PIBF1: variants seen among roughly 807,000 people sequenced by gnomAD.
PIBF1 encodes the protein progesterone-induced-blocking factor 1.
In PIBF1, 90 loss-of-function variants were observed where a neutral mutation model predicts 112.5. That is an observed-to-expected ratio of 0.80 (90% confidence interval 0.67 to 0.95). The LOEUF (loss-of-function observed/expected upper bound fraction) is 0.95, where lower values mean the gene tolerates loss of function less well. PIBF1 is among the 40% of genes least tolerant of loss of function. The probability of loss-of-function intolerance (pLI) is 0.00; values close to 1 mark genes in which losing one functional copy is unlikely to be tolerated. For missense variants in PIBF1, 915 were observed against 852.3 expected (o/e 1.07, Z -0.92); for synonymous variants, 301 against 288.6 (o/e 1.04, Z -0.44).
intron 16 of PIBF1, among the ~76,000 whole-genome samples, chr13:72,993,374 C>T (rs968088245): frequency 6.6e-5 from 10 of 151,470 alleles, no homozygotes; most frequent in African/African-American, 2.2e-4. Context: ...TGAAGAATTG[C>T]GAAAGTCAAA....
chr13:72,833,454 G>T (rs1397863171), intron 8 of PIBF1, among the ~76,000 whole-genome samples: 1 of 152,126 alleles, frequency 6.6e-6, no homozygotes, highest in Non-Finnish European at 1.5e-5. Flanking sequence ...TGGGGTCTTT[G>T]AGTGGACGTG....
chr13:72,814,371 G>A (rs1003808276), intron 5 of PIBF1, among the ~76,000 whole-genome samples: 1 of 151,108 alleles, frequency 6.6e-6, no homozygotes. Flanking sequence ...AGGAGGCGGA[G>A]GTTGCAGTGA....
chr13:72,931,677 C>T (rs1445684244), intron 14 of PIBF1, among the ~76,000 whole-genome samples: 1 of 141,842 alleles, frequency 7.1e-6, no homozygotes, highest in East Asian at 2.2e-4. Context: ...AAATCAGGCT[C>T]ATATTGCTTC....
chr13:72,859,207 C>G (rs778394975), intron 10 of PIBF1, among the ~76,000 whole-genome samples: 44 of 152,042 alleles, frequency 2.9e-4, no homozygotes, highest in Non-Finnish European at 5.0e-4. Flanking sequence ...CAAGTATCAC[C>G]AAGAGTTAGG....
At chr13:72,906,096 T>C (rs914884827) in intron 11 of PIBF1, among the ~76,000 whole-genome samples, 2 of 152,152 alleles carry the variant, frequency 1.3e-5, no homozygotes, top group African/African-American at 4.8e-5. Flanking sequence ...TTCTACAAAG[T>C]ATTTTTAAGA....
intron 9 of PIBF1, among the ~76,000 whole-genome samples, chr13:72,835,669 T>C (rs1167448044): frequency 6.6e-6 from 1 of 152,176 alleles, no homozygotes; most frequent in East Asian, 1.9e-4. Context: ...TAAAGAGTGC[T>C]GAGATATCAG....
chr13:73,009,060 A>C lies in PIBF1; in HGVS notation c.2224-6809A>C, dbSNP rs112531595. The stretch of plus-strand genomic sequence containing the variant: ...TAGATTCCCTCTTCCTTTCTCTTCA[A>C]CCATCCTTAGAGTGTGGCATCTGTT... On this transcript the variant is annotated intron_variant, in intron 17 of 17. Transcript: ENST00000326291. Among the ~76,000 whole-genome samples the C allele has an allele frequency of 2.9e-3, 437 of 152,280 alleles. 1 individual carries two copies. The highest frequency in any genetic ancestry group is 6.8e-3 in the Middle Eastern group (2 of 294).
chr13:72,835,489 C>T, intron 9 of PIBF1, 121 bp downstream of exon 9: 1 of 667,720 alleles, frequency 1.5e-6, no homozygotes, highest in Non-Finnish European at 2.3e-6. Context: ...GAAAACTTGT[C>T]ATAAATTGAA....
At chr13:72,826,200 A>G (rs932588611) in intron 6 of PIBF1, among the ~76,000 whole-genome samples, 1 of 152,158 alleles carries the variant, frequency 6.6e-6, no homozygotes, top group South Asian at 2.1e-4. Context: ...AGTAATACTG[A>G]TAGTCATCTT....
At chr13:72,784,960 C>T (rs2034518850) in intron 2 of PIBF1, among the ~76,000 whole-genome samples, 1 of 152,014 alleles carries the variant, frequency 6.6e-6, no homozygotes, top group South Asian at 2.1e-4. Flanking sequence ...GCAACCTCCA[C>T]CTCTTGGGTT....
chr13:72,789,984 G>A (rs2034813483), intron 2 of PIBF1, among the ~76,000 whole-genome samples: 3 of 152,198 alleles, frequency 2.0e-5, no homozygotes, highest in African/African-American at 7.2e-5. Context: ...TTATTGAGAT[G>A]TTGCTGGATA....
At chr13:72,866,079 G>C (rs1055342513) in intron 10 of PIBF1, among the ~76,000 whole-genome samples, 3 of 152,054 alleles carry the variant, frequency 2.0e-5, no homozygotes, top group Non-Finnish European at 2.9e-5. Flanking sequence ...GCATTCCTTG[G>C]CTTCCTTGGC....
chr13:72,992,210 A>G (rs947702738), intron 16 of PIBF1, among the ~76,000 whole-genome samples: 7 of 152,208 alleles, frequency 4.6e-5, no homozygotes, highest in Admixed American at 1.3e-4. Context: ...CGATCAATCA[A>G]TGTCTTAAAC....
At position 72,978,160 on chromosome 13, in the gene PIBF1, A is replaced by G. The variant is rs887492517; in HGVS notation, c.2049+4485A>G. On this transcript the variant is annotated intron_variant, in intron 16 of 17. Coordinates refer to ENST00000326291, the MANE Select transcript of PIBF1 (RefSeq NM_006346.4). The stretch of plus-strand genomic sequence containing the variant: ...GAAAGGGCAAAATATCTCTCCTCAC[A>G]GAATTTATTTTATTAAAGAACAGTT... 2.0e-5 allele frequency among the ~76,000 whole-genome samples: 3 copies of G among 152,228 alleles called. No homozygotes were observed. In the South Asian group the frequency reaches 6.2e-4, roughly 32 times the overall value.
At chr13:72,975,506 G>A (rs758807515) in intron 16 of PIBF1, among the ~76,000 whole-genome samples, 1 of 152,148 alleles carries the variant, frequency 6.6e-6, no homozygotes, top group Non-Finnish European at 1.5e-5. Context: ...TCAAAGGTAC[G>A]TATCCTAGAG....
intron 14 of PIBF1, among the ~76,000 whole-genome samples, chr13:72,937,820 A>G (rs1297817791): frequency 6.6e-6 from 1 of 152,236 alleles, no homozygotes; most frequent in African/African-American, 2.4e-5. Context: ...ATCTCAAAAA[A>G]AAATAAATGA....
intron 16 of PIBF1, among the ~76,000 whole-genome samples, chr13:72,985,189 A>C (rs75438269): frequency 6.6e-6 from 1 of 152,262 alleles, no homozygotes; most frequent in East Asian, 1.9e-4. Flanking sequence ...ACAAAAAAAA[A>C]CTACAAAACT....
chr13:72,910,506 AT>A (rs1308209593), intron 12 of PIBF1, among the ~76,000 whole-genome samples: 1 of 152,194 alleles, frequency 6.6e-6, no homozygotes, highest in Non-Finnish European at 1.5e-5. Context: ...GAAAAAGGGC[AT>A]TTATAAAAAC....
chr13:72,894,087 ATACG>A, intron 11 of PIBF1, 138 bp downstream of exon 11: 1 of 462,106 alleles, frequency 2.2e-6, no homozygotes, highest in Non-Finnish European at 3.7e-6. Flanking sequence ...AAACAAGGAA[ATACG>A]TATTTCAGAA....
Sources: allele counts gnomAD v4.1 joint callset (sites outside exome capture counted in the v4.1 genomes callset), GRCh38; gene constraint gnomAD v4.1.1; transcripts MANE v1.5; gene names NCBI Gene and HGNC (gene_info 2026-07-23, HGNC 2026-07-21).